HEMK2: variants seen among roughly 807,000 people sequenced by gnomAD.
The protein encoded by HEMK2 is methyltransferase HEMK2.
chr21:28,652,836 A>G, the HEMK2 span, among the ~76,000 whole-genome samples: 1 of 152,160 alleles, frequency 6.6e-6, no homozygotes. Flanking sequence ...GCAGATGGCC[A>G]AGAAAGTGAT....
chr21:28,778,743 C>T, the HEMK2 span, among the ~76,000 whole-genome samples: 1 of 152,162 alleles, frequency 6.6e-6, no homozygotes, highest in Non-Finnish European at 1.5e-5. Context: ...TTATTCATGC[C>T]TTTTGCCCTT....
the HEMK2 span, among the ~76,000 whole-genome samples, chr21:28,822,885 T>A: frequency 6.6e-6 from 1 of 152,158 alleles, no homozygotes; most frequent in African/African-American, 2.4e-5. Context: ...TCGATTTCCA[T>A]TCACCCCTTC....
chr21:28,883,156 T>A, the HEMK2 span: 2 of 859,702 alleles, frequency 2.3e-6, no homozygotes, highest in Non-Finnish European at 3.5e-6. Context: ...ATTTCTAGCA[T>A]ATATATTTCT....
chr21:28,872,241 AGG>A, the HEMK2 span: 1 of 152,338 alleles, frequency 6.6e-6, no homozygotes, highest in East Asian at 1.9e-4. Flanking sequence ...CCACAAAAAG[AGG>A]GGTCCTTCAT....
At chr21:28,869,271 T>C in the HEMK2 span, among the ~76,000 whole-genome samples, 3 of 152,230 alleles carry the variant, frequency 2.0e-5, no homozygotes, top group Non-Finnish European at 2.9e-5. Context: ...ATGGAATTTA[T>C]AGATTTTTCT....
chr21:28,794,599 T>C, the HEMK2 span, among the ~76,000 whole-genome samples: 3 of 152,248 alleles, frequency 2.0e-5, no homozygotes, highest in African/African-American at 7.2e-5. Context: ...GAAGGAAATG[T>C]ACAAATAATC....
chr21:28,808,879 A>G, the HEMK2 span, among the ~76,000 whole-genome samples: 55 of 152,228 alleles, frequency 3.6e-4, no homozygotes, highest in African/African-American at 1.3e-3. Context: ...AACTTATTCA[A>G]ATTTAATAGT....
the HEMK2 span, among the ~76,000 whole-genome samples, chr21:28,705,157 T>C: frequency 1.3e-5 from 2 of 152,192 alleles, no homozygotes; most frequent in South Asian, 2.1e-4. Context: ...CCTTGACTTA[T>C]TCCTACCACT....
At chr21:28,800,718 A>T in the HEMK2 span, among the ~76,000 whole-genome samples, 1,175 of 152,270 alleles carry the variant, frequency 7.7e-3, 16 homozygotes, top group African/African-American at 0.027. Context: ...TGTATTTTTT[A>T]AAAGGAGCTG....
chr21:28,583,828 G>A, the HEMK2 span, among the ~76,000 whole-genome samples: 1 of 152,158 alleles, frequency 6.6e-6, no homozygotes, highest in Non-Finnish European at 1.5e-5. Context: ...CACCCATACA[G>A]CTCAGTAGTC....
chr21:28,582,333 C>T, the HEMK2 span, among the ~76,000 whole-genome samples: 7 of 152,138 alleles, frequency 4.6e-5, no homozygotes, highest in Non-Finnish European at 5.9e-5. Context: ...ATATTAATAT[C>T]ATTTTTTTTC....
chr21:28,858,051 C>T, the HEMK2 span, among the ~76,000 whole-genome samples: 1 of 152,206 alleles, frequency 6.6e-6, no homozygotes, highest in Non-Finnish European at 1.5e-5. Flanking sequence ...CTTTATGCGA[C>T]TGAACAACAA....
At chr21:28,810,336 T>TA in the HEMK2 span, among the ~76,000 whole-genome samples, 4 of 152,098 alleles carry the variant, frequency 2.6e-5, no homozygotes, top group Non-Finnish European at 5.9e-5. Context: ...ACAAAACTGT[T>TA]AAAAAGACTG....
the HEMK2 span, among the ~76,000 whole-genome samples, chr21:28,728,031 A>T: frequency 6.6e-6 from 1 of 152,248 alleles, no homozygotes; most frequent in Non-Finnish European, 1.5e-5. Context: ...GAGCCAAGGA[A>T]TGCAGGGTGC....
the HEMK2 span, among the ~76,000 whole-genome samples, chr21:28,700,437 C>T: frequency 6.6e-6 from 1 of 152,082 alleles, no homozygotes; most frequent in South Asian, 2.1e-4. Context: ...CAAATAAACA[C>T]AATCAGAAAT....
At chr21:28,800,598 T>C in the HEMK2 span, among the ~76,000 whole-genome samples, 1 of 152,184 alleles carries the variant, frequency 6.6e-6, no homozygotes, top group African/African-American at 2.4e-5. Flanking sequence ...TAAATATATA[T>C]TGTGCATGTG....
chr21:28,628,226 A>G, the HEMK2 span, among the ~76,000 whole-genome samples: 1 of 152,212 alleles, frequency 6.6e-6, no homozygotes, highest in African/African-American at 2.4e-5. Context: ...ACATTTATAT[A>G]TAGTATAAGC....
chr21:28,858,880 G>A, the HEMK2 span, among the ~76,000 whole-genome samples: 3 of 152,110 alleles, frequency 2.0e-5, no homozygotes, highest in South Asian at 2.1e-4. Context: ...TAAAATAAAA[G>A]GGGTACATGG....
chr21:28,586,664 A>C, the HEMK2 span, among the ~76,000 whole-genome samples: 1 of 152,292 alleles, frequency 6.6e-6, no homozygotes, highest in Non-Finnish European at 1.5e-5. Context: ...TAAAACTTTC[A>C]ATTGTATCTG....
Sources: allele counts gnomAD v4.1 joint callset (sites outside exome capture counted in the v4.1 genomes callset), GRCh38; gene constraint gnomAD v4.1.1; transcripts MANE v1.5; gene names NCBI Gene and HGNC (gene_info 2026-07-23, HGNC 2026-07-21).